Variants in HHLA1 observed in about 807,000 individuals in gnomAD.
HHLA1 encodes HERV-H LTR-associating protein 1.
HHLA1 carries 72 observed loss-of-function variants against 69.9 expected under a neutral mutation model. The observed-to-expected ratio is 1.03, with a 90% CI of 0.85 to 1.25. The LOEUF is 1.25. HHLA1 is among the 50% of genes most tolerant of loss of function. The pLI is 0.00. For missense variants in HHLA1, 685 were observed against 642.2 expected, an observed-to-expected ratio of 1.07 and a Z score of -0.72; for synonymous variants, 252 against 233.2, an observed-to-expected ratio of 1.08 and a Z score of -0.73.
At position 132,076,487 on chromosome 8, in the gene HHLA1, A is replaced by G; in HGVS notation, c.1228T>C (p.Tyr410His). The change falls in exon 13 of 17, where the codon TAT becomes CAT. Residue 410 changes from tyrosine (Y) to histidine (H), a missense_variant. Transcript: ENST00000414222. The part of the protein sequence containing the change: ...PSPTKATAPR[Y>H]PQTGDLSAEW... ...CTGAGTTTCTCACCTGTTTGTGGAT[A>G]TCTGGGGGCTGTTGCCTTGGTTGGA... 7.4e-7 allele frequency: 1 copy of G among 1,344,978 alleles called. No homozygotes were observed. Among genetic ancestry groups the G allele is most frequent in the Non-Finnish European group, 9.8e-7 (1 of 1,022,242 alleles). 83.3% of individuals were successfully genotyped at this position (1,344,978 alleles called of 1,614,324 possible).
intron 10 of HHLA1, among the ~76,000 whole-genome samples, chr8:132,083,370 G>A (rs62521322): frequency 1.3e-5 from 2 of 149,954 alleles, no homozygotes; most frequent in Admixed American, 1.3e-4. Context: ...TGAAAAGAAG[G>A]TAATGTGGAG....
At chr8:132,083,898 A>G (rs1042196665) in intron 10 of HHLA1, among the ~76,000 whole-genome samples, 15 of 152,162 alleles carry the variant, frequency 9.9e-5, no homozygotes, top group Admixed American at 7.9e-4. Context: ...CCGGAATTTA[A>G]TTTTTGGAGT....
intron 5 of HHLA1, among the ~76,000 whole-genome samples, chr8:132,098,297 A>G (rs1204892526): frequency 6.6e-6 from 1 of 152,226 alleles, no homozygotes; most frequent in African/African-American, 2.4e-5. Flanking sequence ...TTAAAAAAAG[A>G]AATCCAGAAT....
intron 4 of HHLA1, among the ~76,000 whole-genome samples, chr8:132,099,405 A>G (rs1397464556): frequency 1.3e-5 from 2 of 152,212 alleles, no homozygotes; most frequent in African/African-American, 2.4e-5. Flanking sequence ...TTTTAATTAC[A>G]CAATTCCAGT....
At chr8:132,082,291 TA>T (rs1292341415) in intron 10 of HHLA1, among the ~76,000 whole-genome samples, 2 of 152,212 alleles carry the variant, frequency 1.3e-5, no homozygotes, top group Admixed American at 6.5e-5. Flanking sequence ...TGAGGGCCTC[TA>T]AAAGCATTAA....
At chr8:132,085,529 G>A (rs779712585) in intron 10 of HHLA1, 12 of 307,812 alleles carry the variant, frequency 3.9e-5, no homozygotes, top group African/African-American at 6.9e-5. Context: ...GAGGTCCCCC[G>A]ATCCGAGTGA....
chr8:132,098,820 A>G (rs1824064127), intron 5 of HHLA1, 62 bp downstream of exon 5: 3 of 1,060,034 alleles, frequency 2.8e-6, no homozygotes, highest in African/African-American at 1.6e-5. Context: ...AGAAAGGTTC[A>G]GAAAAGACAC....
At chr8:132,099,510 T>C (rs756125086) in intron 4 of HHLA1, among the ~76,000 whole-genome samples, 3 of 152,150 alleles carry the variant, frequency 2.0e-5, no homozygotes, top group Non-Finnish European at 4.4e-5. Flanking sequence ...GGAGTGGCAG[T>C]GTGCAGTGAG....
intron 1 of HHLA1, among the ~76,000 whole-genome samples, chr8:132,110,352 T>A (rs574830661): frequency 1.3e-5 from 2 of 151,912 alleles, no homozygotes; most frequent in Non-Finnish European, 2.9e-5. Flanking sequence ...TTGCCCAAGG[T>A]CATTAAGCTG....
In HHLA1 at chr8:132,095,516, C is replaced by T; in HGVS notation, c.448+3G>A. 1.3e-6 allele frequency: 2 copies of T among 1,541,412 alleles called. No homozygotes were observed. Among genetic ancestry groups the T allele is most frequent in the Admixed American group, 2.0e-5 (1 of 50,964 alleles). On this transcript the variant is annotated splice_donor_region_variant and intron_variant, in intron 7 of 16. Transcript: ENST00000414222. ...TGCAAGCCTCATGGTAAGCTGTACC[C>T]ACCTGATAAGTCATTGGTCCGATTG...
intron 10 of HHLA1, among the ~76,000 whole-genome samples, chr8:132,084,264 T>C (rs1397685766): frequency 1.3e-5 from 2 of 151,684 alleles, no homozygotes; most frequent in Non-Finnish European, 2.9e-5. Flanking sequence ...TGAGGGAGAA[T>C]TGGGACCTAG....
rs796388639 is a variant in HHLA1, at chr8:132,094,765, T to A, written c.448+754A>T. ...TACTCCCTGCTCCCCGCTAGGAATC[T>A]ATGTCCCACGGGAGCAGGAGGTGTG... On this transcript the variant is annotated intron_variant, in intron 7 of 16. Transcript: ENST00000414222. 3.3e-5 allele frequency among the ~76,000 whole-genome samples: 5 copies of A among 152,338 alleles called. 1 individual carries two copies. The highest frequency in any genetic ancestry group is 1.2e-4 in the African/African-American group (5 of 41,576).
At chr8:132,100,930 T>C (rs1397691953) in intron 3 of HHLA1, among the ~76,000 whole-genome samples, 1 of 152,198 alleles carries the variant, frequency 6.6e-6, no homozygotes, top group Non-Finnish European at 1.5e-5. Context: ...GTTGGAGTGG[T>C]CATTTTTCAT....
intron 1 of HHLA1, among the ~76,000 whole-genome samples, chr8:132,105,699 A>G (rs1339779259): frequency 7.9e-5 from 12 of 152,220 alleles, no homozygotes; most frequent in Admixed American, 7.9e-4. Flanking sequence ...TTTTGCTTGC[A>G]GCCCATACCA....
At chr8:132,069,711 C>CTATATTTTGATTTGTGTT (rs1207512460) in intron 15 of HHLA1, 6 of 151,946 alleles carry the variant, frequency 3.9e-5, no homozygotes, top group Non-Finnish European at 8.8e-5. Context: ...ATCTATAATA[C>CTATATTTTGATTTGTGTT]TATATTTTGA....
At chr8:132,090,790 G>T (rs1432688381) in intron 7 of HHLA1, among the ~76,000 whole-genome samples, 1 of 133,276 alleles carries the variant, frequency 7.5e-6, no homozygotes, top group African/African-American at 2.9e-5. Context: ...ATGGAGTCTC[G>T]CTCTGTGGCC....
chr8:132,102,667 G>A (rs940715410), intron 3 of HHLA1, among the ~76,000 whole-genome samples: 1 of 152,180 alleles, frequency 6.6e-6, no homozygotes, highest in East Asian at 1.9e-4. Context: ...GCAGGTGAGG[G>A]ACCAGGATTA....
At chr8:132,084,748 C>A (rs567237375) in intron 10 of HHLA1, among the ~76,000 whole-genome samples, 2 of 141,320 alleles carry the variant, frequency 1.4e-5, no homozygotes, top group Non-Finnish European at 3.0e-5. Context: ...AGAGAAAAGA[C>A]TTGAGACACA....
intron 7 of HHLA1, among the ~76,000 whole-genome samples, chr8:132,091,776 A>G (rs990646741): frequency 6.6e-6 from 1 of 152,246 alleles, no homozygotes; most frequent in African/African-American, 2.4e-5. Flanking sequence ...AAACATAGGC[A>G]TTCAAACATT....
Sources: gnomAD v4.1 joint callset for allele counts (sites outside exome capture counted in the v4.1 genomes callset) on GRCh38, gnomAD v4.1.1 for gene constraint, MANE v1.5 for transcripts, NCBI Gene and HGNC (gene_info 2026-07-23, HGNC 2026-07-21) for gene names.